Variants in COX7B2 observed in about 807,000 individuals in gnomAD.
COX7B2 encodes the protein cytochrome c oxidase subunit 7B2.
For missense variants in COX7B2, 109 were observed against 95.9 expected, an observed-to-expected ratio of 1.14 and a Z score of -0.57; for synonymous variants, 37 against 32.1, an observed-to-expected ratio of 1.15 and a Z score of -0.51.
At chr4:46,866,179 C>A (rs1396362649) in intron 1 of COX7B2, among the ~76,000 whole-genome samples, 1 of 152,144 alleles carries the variant, frequency 6.6e-6, no homozygotes, top group Non-Finnish European at 1.5e-5. Flanking sequence ...CCAATACATG[C>A]AAAGAAAAAG....
rs568334315 is a variant in COX7B2 at position 46,762,973 on chromosome 4, T to C, written c.-49-27732A>G. 1.4e-3 allele frequency among the ~76,000 whole-genome samples: 155 copies of C among 113,402 alleles called. 1 individual carries two copies. Among genetic ancestry groups the C allele is most frequent in the African/African-American group, 5.0e-3 (148 of 29,616 alleles). 74.4% of individuals were successfully genotyped at this position (113,402 alleles called of 152,430 possible). On this transcript the variant is annotated intron_variant, in intron 2 of 2. Coordinates refer to ENST00000355591, the MANE Select transcript of COX7B2 (RefSeq NM_130902.3). ...ATGTCATATATATGTTAAATATATATACCACATATATGTAATATGTATATT... is the reference window on the plus strand; with the variant it reads ...ATGTCATATATATGTTAAATATATACACCACATATATGTAATATGTATATT...
chr4:46,841,335 CTGTGTGTGTGTGTGTGTGTGTG>C, intron 2 of COX7B2, among the ~76,000 whole-genome samples: 1 of 139,884 alleles, frequency 7.1e-6, no homozygotes, highest in Non-Finnish European at 1.5e-5. Flanking sequence ...CAAATGTGCT[CTGTGTGTGTGTGTGTGTGTGTG>C]TGTGTGTGTG....
At chr4:46,888,390 A>G (rs1313846427) in intron 1 of COX7B2, among the ~76,000 whole-genome samples, 1 of 152,018 alleles carries the variant, frequency 6.6e-6, no homozygotes, top group Admixed American at 6.5e-5. Context: ...CACAAAAGTA[A>G]TACATACAAT....
chr4:46,745,973 T>C (rs2109414114), intron 2 of COX7B2, among the ~76,000 whole-genome samples: 1 of 152,296 alleles, frequency 6.6e-6, no homozygotes, highest in South Asian at 2.1e-4. Context: ...ATCATCTGAA[T>C]ATTTGTTAAT....
intron 2 of COX7B2, among the ~76,000 whole-genome samples, chr4:46,844,517 C>A (rs1469162373): frequency 6.6e-6 from 1 of 151,894 alleles, no homozygotes; most frequent in Non-Finnish European, 1.5e-5. Flanking sequence ...CACCAGGGGG[C>A]GCTCTTAACA....
chr4:46,747,073 G>T (rs1715063230), intron 2 of COX7B2, among the ~76,000 whole-genome samples: 1 of 152,080 alleles, frequency 6.6e-6, no homozygotes, highest in Non-Finnish European at 1.5e-5. Flanking sequence ...GCCTTCTGGA[G>T]TAAGTTTACC....
At chr4:46,789,883 C>T (rs554125622) in intron 2 of COX7B2, among the ~76,000 whole-genome samples, 1 of 152,056 alleles carries the variant, frequency 6.6e-6, no homozygotes, top group Admixed American at 6.5e-5. Flanking sequence ...GCAAATATTT[C>T]CAATGTAGGT....
At chr4:46,807,537 G>GT (rs1719067618) in intron 2 of COX7B2, among the ~76,000 whole-genome samples, 5 of 151,386 alleles carry the variant, frequency 3.3e-5, no homozygotes, top group African/African-American at 1.2e-4. Context: ...TTTTATTTTT[G>GT]TTTTTTGTGG....
At chr4:46,792,998 A>C (rs12509566) in intron 2 of COX7B2, among the ~76,000 whole-genome samples, 45,812 of 152,124 alleles carry the variant, frequency 0.3, 7,439 homozygotes, top group South Asian at 0.47. Context: ...AGCAAGATGT[A>C]AGAATTAAAG....
intron 1 of COX7B2, among the ~76,000 whole-genome samples, chr4:46,900,534 T>A (rs1450126302): frequency 6.6e-6 from 1 of 152,098 alleles, no homozygotes; most frequent in African/African-American, 2.4e-5. Flanking sequence ...AAGAAATCTG[T>A]TACTGATATG....
intron 1 of COX7B2, among the ~76,000 whole-genome samples, chr4:46,864,384 G>A (rs1717517925): frequency 1.3e-5 from 2 of 152,042 alleles, no homozygotes; most frequent in South Asian, 4.1e-4. Flanking sequence ...TAGCTTTATT[G>A]GAGAAGCCAA....
chr4:46,764,490 C>CAGT (rs1716408376), intron 2 of COX7B2, among the ~76,000 whole-genome samples: 1 of 151,886 alleles, frequency 6.6e-6, no homozygotes, highest in Admixed American at 6.6e-5. Flanking sequence ...TTGCAGTGAG[C>CAGT]CGAGATCAGG....
chr4:46,734,893 T>C lies in COX7B2; in HGVS notation c.*54A>G. 1 of 1,600,816 alleles carries C rather than the reference T, an allele frequency of 6.2e-7. No homozygotes were observed. The highest frequency in any genetic ancestry group is 8.6e-7 in the Non-Finnish European group (1 of 1,168,800). On this transcript the variant is annotated 3_prime_UTR_variant, in exon 3 of 3. Coordinates refer to ENST00000355591, the MANE Select transcript of COX7B2 (RefSeq NM_130902.3). ...TATATTTTAATAAGCAGTAGAGTGC[T>C]TACATGACAAGTTGGTTTTTTAAAC...
chr4:46,742,532 T>C (rs531781508), intron 2 of COX7B2, among the ~76,000 whole-genome samples: 2 of 152,252 alleles, frequency 1.3e-5, no homozygotes, highest in African/African-American at 4.8e-5. Context: ...ATGCCGCTGG[T>C]AAAAATGCTG....
At chr4:46,885,379 C>T in intron 1 of COX7B2, among the ~76,000 whole-genome samples, 1 of 152,008 alleles carries the variant, frequency 6.6e-6, no homozygotes, top group Non-Finnish European at 1.5e-5. Flanking sequence ...TGAAACATTC[C>T]TCTTCTTCTC....
intron 2 of COX7B2, among the ~76,000 whole-genome samples, chr4:46,819,181 C>T (rs2109687078): frequency 6.6e-6 from 1 of 152,100 alleles, no homozygotes; most frequent in African/African-American, 2.4e-5. Flanking sequence ...ACTTCTCATG[C>T]AAAAAAATCT....
Position 46,904,557 on chromosome 4 carries a change from C to G in COX7B2, c.-105+4603G>C, listed in dbSNP as rs1055738371. ...CAAGAATCCAAATTTTCATAATACT[C>G]TGTTAACGAAACAGATCTCACACCA... On this transcript the variant is annotated intron_variant, in intron 1 of 2. Coordinates refer to ENST00000355591, the MANE Select transcript of COX7B2 (RefSeq NM_130902.3). Among the ~76,000 whole-genome samples the G allele has an allele frequency of 2.6e-5, 4 of 152,190 alleles. No individual in the cohort carries two copies. In the East Asian group the frequency reaches 7.7e-4, roughly 29 times the overall value.
chr4:46,741,196 T>C (rs1358519770), intron 2 of COX7B2, among the ~76,000 whole-genome samples: 2 of 152,122 alleles, frequency 1.3e-5, no homozygotes, highest in East Asian at 3.8e-4. Flanking sequence ...ATTTCTCACA[T>C]TGCCCAGATA....
rs185978512 is a variant in COX7B2 at position 46,864,924 on chromosome 4, G to A, written c.-104-19910C>T. Among the ~76,000 whole-genome samples the A allele has an allele frequency of 7.2e-5, 11 of 152,232 alleles. No individual in the cohort carries two copies. The East Asian group carries it at 7.7e-4, about 11-fold the overall frequency. Reference sequence around the variant, plus strand: ...CTCCCAAAGTGCTGGGGTTACAGGCGTAAGGCACCGCACCTGGGCTTTTAT... The same window carrying A: ...CTCCCAAAGTGCTGGGGTTACAGGCATAAGGCACCGCACCTGGGCTTTTAT... On this transcript the variant is annotated intron_variant, in intron 1 of 2. Coordinates refer to ENST00000355591, the MANE Select transcript of COX7B2 (RefSeq NM_130902.3).
Sources: allele counts gnomAD v4.1 joint callset (sites outside exome capture counted in the v4.1 genomes callset), GRCh38; gene constraint gnomAD v4.1.1; transcripts MANE v1.5; gene names NCBI Gene and HGNC (gene_info 2026-07-23, HGNC 2026-07-21).